Variants in TEK observed in about 807,000 individuals in gnomAD.
The protein encoded by TEK is TEK receptor tyrosine kinase.
Under a neutral mutation model 131.8 loss-of-function variants are expected in TEK, and 43 were observed. That is an observed-to-expected ratio of 0.33 (90% CI 0.26 to 0.42). The LOEUF (loss-of-function observed/expected upper bound fraction) is 0.42. Ranked by LOEUF, TEK falls within the 10% of genes least tolerant of loss-of-function variation. The probability of loss-of-function intolerance (pLI) is 1.00; values close to 1 mark genes in which losing one functional copy is unlikely to be tolerated. For synonymous variants in TEK, 580 were observed against 491.6 expected (o/e 1.18, Z -2.38); for missense variants, 1,162 against 1,384.4 (o/e 0.84, Z 2.55).
chr9:27,229,646 A>G lies in TEK; in HGVS notation c.*414A>G. On this transcript the variant is annotated 3_prime_UTR_variant, in exon 23 of 23. Coordinates refer to ENST00000380036, the MANE Select transcript of TEK (RefSeq NM_000459.5). ...AATATTGTTAATAAACCTAACAATG[A>G]CCCTGATAGTACAGGTTAAGTGAGA... is the stretch of plus-strand genomic sequence containing the variant. 1 of 238,712 alleles carries G rather than the reference A, an allele frequency of 4.2e-6. No homozygotes were observed. Among genetic ancestry groups the G allele is most frequent in the Non-Finnish European group, 8.4e-6 (1 of 119,512 alleles). 14.8% of individuals were successfully genotyped at this position (238,712 alleles called of 1,614,324 possible). A position where few individuals can be genotyped will look rare whatever the true frequency, so the allele number is the denominator to read the frequency against.
chr9:27,142,035 A>G (rs1822745089), intron 1 of TEK, among the ~76,000 whole-genome samples: 1 of 152,180 alleles, frequency 6.6e-6, no homozygotes, highest in South Asian at 2.1e-4. Context: ...CCTTGGCAGG[A>G]GAAATAATGT....
chr9:27,119,499 T>C (rs1005517741), intron 1 of TEK, among the ~76,000 whole-genome samples: 1 of 152,330 alleles, frequency 6.6e-6, no homozygotes, highest in Non-Finnish European at 1.5e-5. Flanking sequence ...TCCATGCAGA[T>C]GAGGCTCCCT....
At chr9:27,192,349 G>C in intron 10 of TEK, 140 bp from the exon 11 acceptor site, 3 of 915,812 alleles carry the variant, frequency 3.3e-6, no homozygotes, top group Non-Finnish European at 3.6e-6. Flanking sequence ...ATGAGGCCTT[G>C]AAGATGGAAT....
chr9:27,168,322 G>C (rs1231836118), intron 2 of TEK, among the ~76,000 whole-genome samples, 173 bp from the exon 3 acceptor site: 1 of 152,086 alleles, frequency 6.6e-6, no homozygotes, highest in Non-Finnish European at 1.5e-5. Context: ...TCTTAGAAAG[G>C]TACATAATGT....
At chr9:27,213,643 C>G in intron 18 of TEK, 46 bp downstream of exon 18, 1 of 1,416,654 alleles carries the variant, frequency 7.1e-7, no homozygotes, top group Non-Finnish European at 1.0e-6. Flanking sequence ...CCGAGGTACT[C>G]CCCTGTCTCC....
At chr9:27,195,920 T>C (rs907241133) in intron 11 of TEK, among the ~76,000 whole-genome samples, 5 of 152,228 alleles carry the variant, frequency 3.3e-5, no homozygotes, top group Non-Finnish European at 7.3e-5. Context: ...TTCAGTGATG[T>C]CTTGGTAGCC....
Position 27,204,850 on chromosome 9 carries a change from G to C in TEK, c.2210-61G>C, listed in dbSNP as rs991558292. On this transcript the variant is annotated intron_variant, in intron 13 of 22. Coordinates refer to ENST00000380036, the MANE Select transcript of TEK (RefSeq NM_000459.5). Reference sequence around the variant, plus strand: ...TACACTGTGTCTTCTCCCACATACGGTGTGGGTCTGTTTCTCTATGTAAAC... The same window carrying C: ...TACACTGTGTCTTCTCCCACATACGCTGTGGGTCTGTTTCTCTATGTAAAC... 1.9e-6 allele frequency: 3 copies of C among 1,599,472 alleles called. No homozygotes were observed. In the African/African-American group the frequency reaches 4.0e-5, roughly 21 times the overall value.
At chr9:27,221,444 TG>T (rs777011651) in intron 21 of TEK, among the ~76,000 whole-genome samples, 10 of 149,280 alleles carry the variant, frequency 6.7e-5, no homozygotes, top group Admixed American at 6.0e-4. Context: ...TGCCTCCTCA[TG>T]TGGGTCCCTG....
chr9:27,109,679 T>A (rs777116208), intron 1 of TEK, 37 bp downstream of exon 1: 2 of 1,607,154 alleles, frequency 1.2e-6, no homozygotes, highest in Non-Finnish European at 1.7e-6. Flanking sequence ...TTTAGTATTT[T>A]AAAAAACAGA....
intron 18 of TEK, among the ~76,000 whole-genome samples, chr9:27,215,636 A>T (rs761569941): frequency 4.0e-5 from 6 of 150,912 alleles, no homozygotes; most frequent in Non-Finnish European, 7.4e-5. Context: ...ATACTAAGCA[A>T]TTTGGGGTTT....
intron 11 of TEK, among the ~76,000 whole-genome samples, chr9:27,195,267 G>A (rs1273761020): frequency 2.0e-5 from 3 of 152,100 alleles, no homozygotes; most frequent in Non-Finnish European, 2.9e-5. Flanking sequence ...GAACCAGGCT[G>A]GTGGGACTTA....
intron 2 of TEK, 94 bp downstream of exon 2, chr9:27,158,236 A>G (rs1176932760): frequency 7.2e-7 from 1 of 1,382,494 alleles, no homozygotes; most frequent in Non-Finnish European, 1.0e-6. Flanking sequence ...CAGGGCATGC[A>G]CTACCTGAAT....
intron 1 of TEK, among the ~76,000 whole-genome samples, chr9:27,114,441 T>C (rs747738578): frequency 2.6e-5 from 4 of 152,032 alleles, no homozygotes; most frequent in Non-Finnish European, 4.4e-5. Flanking sequence ...CATGGTGGCA[T>C]GTGCCTGTAA....
intron 21 of TEK, among the ~76,000 whole-genome samples, chr9:27,221,608 T>C (rs1826084358): frequency 6.6e-6 from 1 of 152,176 alleles, no homozygotes; most frequent in South Asian, 2.1e-4. Context: ...CTGCTAGTGA[T>C]ATCCAGGCAG....
In TEK at chr9:27,225,029, A is replaced by G. The variant is rs1587056673; in HGVS notation, c.3201-3177A>G. Among the ~76,000 whole-genome samples the G allele has an allele frequency of 3.3e-5, 5 of 152,364 alleles. No individual in the cohort carries two copies. The South Asian group carries it at 1.0e-3, about 32-fold the overall frequency. On this transcript the variant is annotated intron_variant, in intron 21 of 22. Coordinates refer to ENST00000380036, the MANE Select transcript of TEK (RefSeq NM_000459.5). Reference sequence around the variant, plus strand: ...ACAACTGCTACAAAGAGAATAAAATATCTAGGAATCCAACTTACAAGGGAT... The same window carrying G: ...ACAACTGCTACAAAGAGAATAAAATGTCTAGGAATCCAACTTACAAGGGAT...
chr9:27,210,845 G>A (rs765178248), intron 16 of TEK, among the ~76,000 whole-genome samples: 1 of 152,168 alleles, frequency 6.6e-6, no homozygotes, highest in Non-Finnish European at 1.5e-5. Flanking sequence ...TAGGCCGGGC[G>A]TGGTGGCTCA....
intron 1 of TEK, among the ~76,000 whole-genome samples, chr9:27,140,232 T>C (rs34920906): frequency 0.1 from 15,225 of 152,120 alleles, 886 homozygotes; most frequent in African/African-American, 0.15. Context: ...TTTCACTTCA[T>C]ATGCCCCACA....
At chr9:27,180,578 G>A (rs1312566662) in intron 7 of TEK, among the ~76,000 whole-genome samples, 1 of 152,124 alleles carries the variant, frequency 6.6e-6, no homozygotes, top group Non-Finnish European at 1.5e-5. Context: ...CTTTGCACTA[G>A]GCATAAACCA....
chr9:27,116,539 T>C (rs1270567898), intron 1 of TEK, among the ~76,000 whole-genome samples: 1 of 152,152 alleles, frequency 6.6e-6, no homozygotes, highest in African/African-American at 2.4e-5. Flanking sequence ...TGCCTTGGCC[T>C]CCCAAAGTGC....
Sources: gnomAD v4.1 joint callset for allele counts (sites outside exome capture counted in the v4.1 genomes callset) on GRCh38, gnomAD v4.1.1 for gene constraint, MANE v1.5 for transcripts, NCBI Gene and HGNC (gene_info 2026-07-23, HGNC 2026-07-21) for gene names.